Variants in TTC28 observed in about 807,000 individuals in gnomAD.
The protein encoded by TTC28 is tetratricopeptide repeat protein 28.
Under a neutral mutation model 198.0 loss-of-function variants are expected in TTC28, and 61 were observed. That is an observed-to-expected ratio of 0.31 (90% CI 0.25 to 0.38). The LOEUF (loss-of-function observed/expected upper bound fraction) is 0.38. Ranked by LOEUF, TTC28 falls within the 10% of genes least tolerant of loss-of-function variation. TTC28 has a pLI of 1.00. For missense variants in TTC28, 2,678 were observed against 3,164.0 expected (o/e 0.85, Z 3.69); for synonymous variants, 1,171 against 1,297.8 (o/e 0.90, Z 2.10).
intron 6 of TTC28, among the ~76,000 whole-genome samples, chr22:28,161,886 G>A (rs576920475): frequency 3.6e-4 from 37 of 102,778 alleles, no homozygotes; most frequent in Middle Eastern, 9.1e-3. Context: ...AGGGAGGAAG[G>A]GATGAAGGGA....
intron 12 of TTC28, among the ~76,000 whole-genome samples, chr22:28,079,186 A>G (rs1285348170): frequency 6.6e-6 from 1 of 152,196 alleles, no homozygotes; most frequent in Admixed American, 6.5e-5. Flanking sequence ...CATCTTTGAA[A>G]GACCACTCTG....
intron 12 of TTC28, among the ~76,000 whole-genome samples, chr22:28,058,459 T>A (rs79975635): frequency 0.021 from 3,253 of 152,260 alleles, 36 homozygotes; most frequent in Non-Finnish European, 0.027. Flanking sequence ...TGATTTTTTT[T>A]AATGTTAAAC....
chr22:28,370,456 G>T (rs1029201301), intron 2 of TTC28, among the ~76,000 whole-genome samples: 14 of 152,074 alleles, frequency 9.2e-5, no homozygotes, highest in Non-Finnish European at 1.6e-4. Context: ...TTTCTTTAAA[G>T]TGACATAATA....
At chr22:28,478,783 C>G (rs1037866868) in intron 2 of TTC28, among the ~76,000 whole-genome samples, 1 of 152,204 alleles carries the variant, frequency 6.6e-6, no homozygotes, top group African/African-American at 2.4e-5. Context: ...CTACTACTCC[C>G]TCTGCCTTAG....
chr22:28,339,596 G>A (rs1040006594), intron 2 of TTC28, among the ~76,000 whole-genome samples: 8 of 152,202 alleles, frequency 5.3e-5, no homozygotes, highest in African/African-American at 9.6e-5. Flanking sequence ...AATGGCGGGC[G>A]CCCCTCCCCT....
At chr22:28,140,532 A>G (rs1260968758) in intron 6 of TTC28, among the ~76,000 whole-genome samples, 1 of 152,158 alleles carries the variant, frequency 6.6e-6, no homozygotes. Flanking sequence ...CATTCATGCC[A>G]CCCACTGTCC....
At chr22:28,532,449 C>T (rs755068122) in intron 2 of TTC28, among the ~76,000 whole-genome samples, 2 of 152,128 alleles carry the variant, frequency 1.3e-5, no homozygotes, top group South Asian at 2.1e-4. Flanking sequence ...CAGGACCAGA[C>T]AGATTCACAG....
chr22:28,052,181 A>G (rs1035174965), intron 12 of TTC28, among the ~76,000 whole-genome samples: 1 of 152,208 alleles, frequency 6.6e-6, no homozygotes, highest in Non-Finnish European at 1.5e-5. Context: ...ATAAAGTACC[A>G]TATATGTGCG....
At chr22:28,010,918 G>C (rs959277059) in intron 14 of TTC28, among the ~76,000 whole-genome samples, 2 of 152,162 alleles carry the variant, frequency 1.3e-5, no homozygotes, top group East Asian at 1.9e-4. Flanking sequence ...GACCGCCAAC[G>C]TGTACCAGGC....
intron 5 of TTC28, among the ~76,000 whole-genome samples, chr22:28,216,113 T>C (rs532156191): frequency 6.6e-6 from 1 of 152,162 alleles, no homozygotes; most frequent in Non-Finnish European, 1.5e-5. Context: ...CACTGCTCCA[T>C]CCTCAGCCTC....
chr22:28,586,277 T>C (rs1171582849), intron 2 of TTC28, among the ~76,000 whole-genome samples: 1 of 144,072 alleles, frequency 6.9e-6, no homozygotes, highest in East Asian at 2.0e-4. Flanking sequence ...AGACTCCGTC[T>C]CAAAAAAAAA....
chr22:28,670,736 C>G (rs146863439), intron 1 of TTC28, among the ~76,000 whole-genome samples: 106 of 129,414 alleles, frequency 8.2e-4, no homozygotes, highest in African/African-American at 3.0e-3. Context: ...AGTGGAATTA[C>G]TGGGCCATAT....
chr22:28,085,070 A>T (rs1941524165), intron 12 of TTC28, among the ~76,000 whole-genome samples: 1 of 152,184 alleles, frequency 6.6e-6, no homozygotes, highest in African/African-American at 2.4e-5. Flanking sequence ...GAATGGAACC[A>T]AGGTGGAAAA....
In TTC28 at chr22:28,512,006, C is replaced by T. The variant is rs1052348999; in HGVS notation, c.381+117546G>A. 2.6e-5 allele frequency among the ~76,000 whole-genome samples: 4 copies of T among 151,746 alleles called. 1 individual carries two copies. The South Asian group carries it at 8.3e-4, about 32-fold the overall frequency. ...CAAAAGAATCTATCATCGGAGTGAACGGAAAACCTACAGAATGGGAGAAAA... is the reference window on the plus strand; with the variant it reads ...CAAAAGAATCTATCATCGGAGTGAATGGAAAACCTACAGAATGGGAGAAAA... On this transcript the variant is annotated intron_variant, in intron 2 of 22. Coordinates refer to ENST00000397906, the MANE Select transcript of TTC28 (RefSeq NM_001145418.2).
At chr22:28,461,970 A>C (rs2047956716) in intron 2 of TTC28, among the ~76,000 whole-genome samples, 2 of 152,164 alleles carry the variant, frequency 1.3e-5, no homozygotes, top group African/African-American at 4.8e-5. Flanking sequence ...CTTGTCTCAG[A>C]ATCTTCTCTT....
intron 6 of TTC28, among the ~76,000 whole-genome samples, chr22:28,159,939 T>A (rs1362147969): frequency 6.6e-6 from 1 of 152,138 alleles, no homozygotes; most frequent in African/African-American, 2.4e-5. Context: ...TTATGTCAAG[T>A]GAAATAAGCC....
chr22:28,556,250 CA>C (rs1244374139), intron 2 of TTC28, among the ~76,000 whole-genome samples: 5 of 152,116 alleles, frequency 3.3e-5, no homozygotes, highest in African/African-American at 1.2e-4. Flanking sequence ...CCCAGCTACT[CA>C]GGGGGGCTGA....
intron 2 of TTC28, among the ~76,000 whole-genome samples, chr22:28,342,892 C>T (rs913583821): frequency 2.0e-5 from 3 of 152,106 alleles, no homozygotes; most frequent in African/African-American, 7.2e-5. Flanking sequence ...TAGGCATGCA[C>T]AGACCTAGAC....
At chr22:28,144,418 A>G (rs1277386650) in intron 6 of TTC28, among the ~76,000 whole-genome samples, 3 of 152,226 alleles carry the variant, frequency 2.0e-5, no homozygotes, top group Admixed American at 1.3e-4. Context: ...TTTCAAAACT[A>G]TAATTGGAGA....
Sources: gnomAD v4.1 joint callset for allele counts (sites outside exome capture counted in the v4.1 genomes callset) on GRCh38, gnomAD v4.1.1 for gene constraint, MANE v1.5 for transcripts, NCBI Gene and HGNC (gene_info 2026-07-23, HGNC 2026-07-21) for gene names.